Variants in SYNPR observed in about 807,000 individuals in gnomAD.
SYNPR encodes synaptoporin.
A neutral mutation model predicts 32.9 loss-of-function variants in SYNPR; 23 were observed. The ratio of observed to expected loss-of-function variants is 0.70; its 90% CI spans 0.50 to 0.99. The LOEUF is 0.99. Ranked by LOEUF, SYNPR falls within the 50% of genes least tolerant of loss-of-function variation. The pLI is 0.00. For synonymous variants in SYNPR, 146 were observed against 135.9 expected (o/e 1.07, Z -0.52); for missense variants, 318 against 349.3 (o/e 0.91, Z 0.71).
chr3:63,559,838 T>TA (rs1702655963), intron 4 of SYNPR, among the ~76,000 whole-genome samples: 1 of 152,136 alleles, frequency 6.6e-6, no homozygotes, highest in Non-Finnish European at 1.5e-5. Flanking sequence ...GTAATGCATA[T>TA]ACCATAAATC....
At position 63,241,191 on chromosome 3, in the gene SYNPR, G is replaced by A. The variant is rs565709523; in HGVS notation, n.67-11308G>A. Among the ~76,000 whole-genome samples the A allele has an allele frequency of 7.2e-5, 11 of 152,118 alleles. No homozygotes were observed. In the South Asian group the frequency reaches 1.9e-3, roughly 26 times the overall value. On this transcript the variant is annotated intron_variant and non_coding_transcript_variant, in intron 1 of 4. Coordinates refer to the SYNPR transcript ENST00000478456. ...AGCTTGCGTTGGAAAGGTCAAAGGAGGAAAGAGGGATGGCAAATGGAGAGG... is the reference window on the plus strand; with the variant it reads ...AGCTTGCGTTGGAAAGGTCAAAGGAAGAAAGAGGGATGGCAAATGGAGAGG...
chr3:63,518,861 T>G (rs553262563), intron 3 of SYNPR, among the ~76,000 whole-genome samples: 2 of 152,260 alleles, frequency 1.3e-5, no homozygotes, highest in African/African-American at 4.8e-5. Context: ...TTCTAACCAT[T>G]AAGACACATG....
intron 2 of SYNPR, among the ~76,000 whole-genome samples, chr3:63,478,157 A>G (rs1457491295): frequency 1.3e-5 from 2 of 152,212 alleles, no homozygotes; most frequent in African/African-American, 4.8e-5. Context: ...AATAGTCATG[A>G]CACCTCCTTT....
chr3:63,348,242 G>A (rs1030608518), intron 2 of SYNPR, among the ~76,000 whole-genome samples: 1 of 151,940 alleles, frequency 6.6e-6, no homozygotes, highest in Non-Finnish European at 1.5e-5. Flanking sequence ...GAATGATATC[G>A]CACCATGGTT....
intron 2 of SYNPR, among the ~76,000 whole-genome samples, chr3:63,410,502 C>G (rs2107116864): frequency 6.6e-6 from 1 of 152,268 alleles, no homozygotes; most frequent in East Asian, 1.9e-4. Flanking sequence ...GCCATAGGCT[C>G]ATTACCAAAA....
intron 4 of SYNPR, among the ~76,000 whole-genome samples, chr3:63,606,679 C>T (rs1331673198): frequency 6.6e-6 from 1 of 151,894 alleles, no homozygotes; most frequent in Non-Finnish European, 1.5e-5. Flanking sequence ...AATCATCCTG[C>T]CTTGGCCTCC....
intron 2 of SYNPR, among the ~76,000 whole-genome samples, chr3:63,357,593 T>C (rs997727355): frequency 1.3e-5 from 2 of 152,166 alleles, no homozygotes; most frequent in Non-Finnish European, 2.9e-5. Context: ...TGGATTCTCA[T>C]TGGCAGAGCA....
At chr3:63,499,009 A>T (rs991298491) in intron 3 of SYNPR, among the ~76,000 whole-genome samples, 2 of 150,848 alleles carry the variant, frequency 1.3e-5, no homozygotes, top group Non-Finnish European at 3.0e-5. Context: ...CCATGATCTG[A>T]TTTACATATT....
intron 2 of SYNPR, among the ~76,000 whole-genome samples, chr3:63,470,818 CTG>C (rs1700781448): frequency 6.6e-6 from 1 of 152,138 alleles, no homozygotes; most frequent in South Asian, 2.1e-4. Flanking sequence ...GAGGCAAAGA[CTG>C]TAAGAATCAA....
chr3:63,230,647 T>C (rs2086159651), intron 1 of SYNPR, among the ~76,000 whole-genome samples: 1 of 152,208 alleles, frequency 6.6e-6, no homozygotes. Context: ...GGACTTTGCC[T>C]ACCGGGATTT....
chr3:63,218,479 T>C, the SYNPR span, among the ~76,000 whole-genome samples: 4 of 152,240 alleles, frequency 2.6e-5, no homozygotes, highest in African/African-American at 4.8e-5. Flanking sequence ...GTTGGAATTA[T>C]GATCTTTATT....
intron 2 of SYNPR, among the ~76,000 whole-genome samples, chr3:63,376,261 T>G (rs944042073): frequency 6.6e-6 from 1 of 152,208 alleles, no homozygotes; most frequent in Admixed American, 6.6e-5. Context: ...CTCTAAAATC[T>G]GTTCTCTACA....
chr3:63,582,672 A>T (rs1205225378), intron 4 of SYNPR, among the ~76,000 whole-genome samples: 1 of 152,024 alleles, frequency 6.6e-6, no homozygotes, highest in African/African-American at 2.4e-5. Context: ...GTGCTACAGG[A>T]TTTACAAAAA....
intron 4 of SYNPR, among the ~76,000 whole-genome samples, chr3:63,562,943 G>T (rs1702716785): frequency 6.6e-6 from 1 of 152,174 alleles, no homozygotes; most frequent in Admixed American, 6.5e-5. Context: ...AGTAAGGAAA[G>T]GAAGAGTTAA....
chr3:63,264,126 G>A (rs1455290288), intron 2 of SYNPR, among the ~76,000 whole-genome samples: 1 of 152,112 alleles, frequency 6.6e-6, no homozygotes, highest in Non-Finnish European at 1.5e-5. Flanking sequence ...GCTGTTCTAT[G>A]TCTTCTTGTG....
intron 2 of SYNPR, among the ~76,000 whole-genome samples, chr3:63,369,768 G>A (rs1351580182): frequency 2.0e-5 from 3 of 152,128 alleles, no homozygotes; most frequent in African/African-American, 7.2e-5. Flanking sequence ...TTGTAATTGG[G>A]ACAACAATCA....
chr3:63,283,964 A>G (rs1159820067), intron 2 of SYNPR, among the ~76,000 whole-genome samples: 1 of 151,576 alleles, frequency 6.6e-6, no homozygotes. Context: ...GCCTGCCACC[A>G]CGCCTGGCTA....
intron 2 of SYNPR, among the ~76,000 whole-genome samples, chr3:63,399,279 G>A (rs1015732891): frequency 1.3e-5 from 2 of 152,170 alleles, no homozygotes; most frequent in African/African-American, 4.8e-5. Flanking sequence ...ACCATAAACT[G>A]AGTAGCTTGT....
At chr3:63,200,625 C>T in the SYNPR span, among the ~76,000 whole-genome samples, 119,982 of 152,098 alleles carry the variant, frequency 0.79, 47,907 homozygotes, top group Middle Eastern at 0.86. Flanking sequence ...CTCATGAAAA[C>T]AAAGAAACTC....
Sources: gnomAD v4.1 joint callset for allele counts (sites outside exome capture counted in the v4.1 genomes callset) on GRCh38, gnomAD v4.1.1 for gene constraint, MANE v1.5 for transcripts, NCBI Gene and HGNC (gene_info 2026-07-23, HGNC 2026-07-21) for gene names.